The following TRPC7 variants were observed in gnomAD, a reference collection of about 807,000 sequenced individuals.
TRPC7 encodes the protein short transient receptor potential channel 7.
In TRPC7, 42 loss-of-function variants were observed where a neutral mutation model predicts 90.1. The observed-to-expected ratio is 0.47, with a 90% CI of 0.36 to 0.60. The LOEUF is 0.60. Among genes scored for constraint, TRPC7 ranks in the 20% least tolerant of loss-of-function variants. The pLI is 0.00. For synonymous variants in TRPC7, 451 were observed against 436.3 expected, an observed-to-expected ratio of 1.03 and a Z score of -0.42; for missense variants, 955 against 1,112.3, an observed-to-expected ratio of 0.86 and a Z score of 2.01.
chr5:136,327,393 T>C (rs553814423), intron 2 of TRPC7, among the ~76,000 whole-genome samples: 8 of 152,086 alleles, frequency 5.3e-5, no homozygotes, highest in South Asian at 2.1e-4. Flanking sequence ...GCTCTGAAGA[T>C]TGGGGGCAAA....
chr5:136,254,065 G>A (rs896720939), intron 5 of TRPC7, among the ~76,000 whole-genome samples: 3 of 152,196 alleles, frequency 2.0e-5, no homozygotes, highest in African/African-American at 7.2e-5. Flanking sequence ...GAGAGGTGAG[G>A]AAGCTGCCAA....
chr5:136,298,608 C>T (rs1758264918), intron 3 of TRPC7, among the ~76,000 whole-genome samples: 1 of 152,158 alleles, frequency 6.6e-6, no homozygotes, highest in Admixed American at 6.5e-5. Context: ...ATGCCCTCCC[C>T]TTGGGGCAGC....
At chr5:136,227,074 G>A (rs1326755084) in intron 8 of TRPC7, among the ~76,000 whole-genome samples, 2 of 152,184 alleles carry the variant, frequency 1.3e-5, no homozygotes. Flanking sequence ...TTCAAGGGGA[G>A]CAAAGCCTGA....
chr5:136,247,858 T>A lies in TRPC7; in HGVS notation c.1580-123A>T. The A allele has an allele frequency of 4.0e-6, 5 of 1,247,200 alleles. No homozygotes were observed. The highest frequency in any genetic ancestry group is 2.5e-5 in the Admixed American group (1 of 39,642). The allele number at this position is 1,247,200 out of a possible 1,614,324, so 77.3% of individuals were successfully genotyped here. A position where few individuals can be genotyped will look rare whatever the true frequency, so the allele number is the denominator to read the frequency against. On this transcript the variant is annotated intron_variant, in intron 6 of 11. Transcript: ENST00000513104. The surrounding 1 kb of genome is among the most constrained non-coding windows in gnomAD (Gnocchi z 4.2). ...GCCATTCTTGTCCTTGTCCTTAAAT[T>A]AATCCCAATATCCAGAAGTTGCCAC...
chr5:136,308,098 C>A (rs372159903), intron 3 of TRPC7, among the ~76,000 whole-genome samples: 1 of 152,130 alleles, frequency 6.6e-6, no homozygotes, highest in East Asian at 1.9e-4. Context: ...TTTTCCTTCT[C>A]CTGGGAGTTT....
chr5:136,291,197 G>A (rs1251937224), intron 3 of TRPC7, among the ~76,000 whole-genome samples: 2 of 152,202 alleles, frequency 1.3e-5, no homozygotes, highest in Non-Finnish European at 2.9e-5. Flanking sequence ...ATGCCAAATT[G>A]TAAAGACCAT....
chr5:136,308,285 C>T (rs760295008), intron 3 of TRPC7, among the ~76,000 whole-genome samples: 4 of 152,186 alleles, frequency 2.6e-5, no homozygotes, highest in South Asian at 2.1e-4. Context: ...GCGAGATCCA[C>T]GGAAGTGCTT....
intron 2 of TRPC7, among the ~76,000 whole-genome samples, chr5:136,317,224 G>A (rs1015560402): frequency 2.6e-5 from 4 of 152,134 alleles, no homozygotes; most frequent in African/African-American, 7.2e-5. Flanking sequence ...CTAGGTTTTG[G>A]TATCTAGCAC....
intron 4 of TRPC7, among the ~76,000 whole-genome samples, chr5:136,273,282 G>GT (rs1292111940): frequency 6.6e-6 from 1 of 152,158 alleles, no homozygotes; most frequent in Non-Finnish European, 1.5e-5. Flanking sequence ...AATCTGGTTA[G>GT]TTTTTTCACC....
intron 3 of TRPC7, among the ~76,000 whole-genome samples, chr5:136,303,174 C>T (rs1383314784): frequency 6.6e-6 from 1 of 152,108 alleles, no homozygotes; most frequent in African/African-American, 2.4e-5. Context: ...TTCTTTATCC[C>T]AAATCAGATA....
intron 10 of TRPC7, among the ~76,000 whole-genome samples, chr5:136,220,705 A>T (rs190095350): frequency 4.7e-4 from 72 of 152,262 alleles, no homozygotes; most frequent in African/African-American, 1.7e-3. Context: ...TATTGGCCTC[A>T]GAGGCATATG....
chr5:136,274,523 G>A, intron 4 of TRPC7, 150 bp downstream of exon 4: 2 of 807,502 alleles, frequency 2.5e-6, no homozygotes, highest in South Asian at 4.8e-5. Flanking sequence ...TTCCTTTTAT[G>A]TGGTTTCCTA....
At chr5:136,311,302 T>C (rs982262721) in intron 3 of TRPC7, among the ~76,000 whole-genome samples, 1 of 152,064 alleles carries the variant, frequency 6.6e-6, no homozygotes, top group African/African-American at 2.4e-5. Flanking sequence ...GGAAGCAATC[T>C]AGAGGAGAGA....
chr5:136,235,075 T>A (rs1320437444), intron 7 of TRPC7, among the ~76,000 whole-genome samples: 1 of 152,190 alleles, frequency 6.6e-6, no homozygotes, highest in African/African-American at 2.4e-5. Flanking sequence ...TTTCAGAAAC[T>A]ACAAAGCTTG....
chr5:136,349,484 T>TAATA (rs1760123698), intron 2 of TRPC7, among the ~76,000 whole-genome samples: 2 of 152,200 alleles, frequency 1.3e-5, no homozygotes, highest in African/African-American at 2.4e-5. Context: ...GGTGAAAAAT[T>TAATA]AATAGTGCTT....
intron 2 of TRPC7, among the ~76,000 whole-genome samples, chr5:136,320,107 A>T (rs887456492): frequency 6.6e-6 from 1 of 151,826 alleles, no homozygotes; most frequent in African/African-American, 2.4e-5. Context: ...TTAACTCTGG[A>T]TCTAGTCTCC....
At chr5:136,312,151 C>T (rs1758851134) in intron 3 of TRPC7, among the ~76,000 whole-genome samples, 1 of 152,136 alleles carries the variant, frequency 6.6e-6, no homozygotes, top group Non-Finnish European at 1.5e-5. Context: ...CCCAGAAACC[C>T]TGCTTGACAT....
chr5:136,360,157 A>G (rs1482105525), intron 1 of TRPC7, among the ~76,000 whole-genome samples: 1 of 152,246 alleles, frequency 6.6e-6, no homozygotes, highest in Non-Finnish European at 1.5e-5. Context: ...ACCAAGTCAT[A>G]GCAGAGAAAT....
At chr5:136,317,065 G>A (rs1759046638) in intron 2 of TRPC7, among the ~76,000 whole-genome samples, 1 of 152,178 alleles carries the variant, frequency 6.6e-6, no homozygotes, top group Admixed American at 6.5e-5. Flanking sequence ...CTTGTTTGCT[G>A]GGAAAAGGGA....
Sources: allele counts gnomAD v4.1 joint callset (sites outside exome capture counted in the v4.1 genomes callset), GRCh38; gene constraint gnomAD v4.1.1; non-coding constraint Gnocchi (gnomAD v3.1); transcripts MANE v1.5; gene names NCBI Gene and HGNC (gene_info 2026-07-23, HGNC 2026-07-21).